The following KLHL15 variants were observed in gnomAD, a reference collection of about 807,000 sequenced individuals.
The protein encoded by KLHL15 is kelch like family member 15.
KLHL15 carries 1 observed loss-of-function variant against 29.3 expected under a neutral mutation model. That is an observed-to-expected ratio of 0.03 (90% CI 0.01 to 0.16). The LOEUF is 0.16. KLHL15 is among the 10% of genes least tolerant of loss of function. The pLI is 1.00. For missense variants in KLHL15, 215 were observed against 478.5 expected (o/e 0.45, Z 5.14); for synonymous variants, 212 against 184.5 (o/e 1.15, Z -1.21).
intron 3 of KLHL15, among the ~76,000 whole-genome samples, chrX:23,990,342 G>A (rs1712379419): frequency 9.0e-6 from 1 of 111,089 alleles, no homozygotes; most frequent in African/African-American, 3.3e-5. Context: ...ATCTGTGAGT[G>A]TGGCAGAATT....
At chrX:24,025,734 G>GC (rs1202676090) in intron 1 of KLHL15, among the ~76,000 whole-genome samples, 1 of 108,906 alleles carries the variant, frequency 9.2e-6, no homozygotes, top group Non-Finnish European at 1.9e-5. Context: ...GGAAGGGGGG[G>GC]CGGGGAAGGC....
At chrX:24,015,777 T>A (rs765354873) in intron 2 of KLHL15, among the ~76,000 whole-genome samples, 1 of 112,004 alleles carries the variant, frequency 8.9e-6, no homozygotes, top group Non-Finnish European at 1.9e-5. Context: ...GGTGGGCAGA[T>A]CACCTGAGGT....
chrX:23,985,064 G>A lies in KLHL15; in HGVS notation c.*2857C>T, dbSNP rs1296296761. ...TCTTGCATTTTAAGAAAAGGCTGTA[G>A]TGCAAGGAATTTCTTTAAAATCAAA... On this transcript the variant is annotated 3_prime_UTR_variant, in exon 4 of 4. Coordinates refer to ENST00000328046, the MANE Select transcript of KLHL15 (RefSeq NM_030624.3). The A allele has an allele frequency of 8.9e-6, 1 of 112,217 alleles. No individual in the cohort carries two copies. The highest frequency in any genetic ancestry group is 1.9e-5 in the Non-Finnish European group (1 of 53,220). The allele number at this position is 112,217 out of a possible 1,213,427, so 9.2% of individuals were successfully genotyped here. A position where few individuals can be genotyped will look rare whatever the true frequency, so the allele number is the denominator to read the frequency against.
chrX:24,009,989 CAAAAA>C (rs767433599), intron 2 of KLHL15, among the ~76,000 whole-genome samples: 4 of 61,301 alleles, frequency 6.5e-5, no homozygotes, highest in Non-Finnish European at 9.0e-5. Flanking sequence ...GACTCCATCT[CAAAAA>C]AAAAAAAAAA....
intron 3 of KLHL15, among the ~76,000 whole-genome samples, chrX:24,001,520 T>C (rs1377379043): frequency 9.0e-6 from 1 of 111,068 alleles, no homozygotes; most frequent in Admixed American, 9.7e-5. Flanking sequence ...AAGTCAAGCA[T>C]AGGCTGGGCG....
At chrX:24,019,778 G>A (rs1174432264) in intron 2 of KLHL15, among the ~76,000 whole-genome samples, 1 of 111,874 alleles carries the variant, frequency 8.9e-6, no homozygotes, top group Non-Finnish European at 1.9e-5. Context: ...AGTAAAAAAA[G>A]AAGTTTGGTG....
chrX:24,000,725 G>A (rs762272867), intron 3 of KLHL15, among the ~76,000 whole-genome samples: 1 of 111,819 alleles, frequency 8.9e-6, no homozygotes, highest in Non-Finnish European at 1.9e-5. Context: ...CAGAAATTTT[G>A]CATTGGTCAA....
At chrX:23,994,031 A>T (rs945539733) in intron 3 of KLHL15, among the ~76,000 whole-genome samples, 2 of 98,765 alleles carry the variant, frequency 2.0e-5, no homozygotes, top group African/African-American at 8.0e-5. Flanking sequence ...TGGGCAACAG[A>T]GTGAGACCTT....
At position 23,985,450 on chromosome X, in the gene KLHL15, T is replaced by G. The variant is rs1241899299; in HGVS notation, c.*2471A>C. ...ATCATGGATTTAAAATAACCTAAAT[T>G]AGAACTACATATAAACAGGGAGTTT... On this transcript the variant is annotated 3_prime_UTR_variant, in exon 4 of 4. Coordinates refer to ENST00000328046, the MANE Select transcript of KLHL15 (RefSeq NM_030624.3). 8.9e-6 allele frequency: 1 copy of G among 112,044 alleles called. No individual in the cohort carries two copies. Among genetic ancestry groups the G allele is most frequent in the Non-Finnish European group, 1.9e-5 (1 of 53,140 alleles). The allele number at this position is 112,044 out of a possible 1,213,427, so 9.2% of individuals were successfully genotyped here.
intron 2 of KLHL15, among the ~76,000 whole-genome samples, chrX:24,007,583 A>G (rs1330389132): frequency 9.7e-6 from 1 of 103,340 alleles, no homozygotes; most frequent in Non-Finnish European, 2.0e-5. Context: ...TGCCTATTCC[A>G]TTGATTTCAT....
intron 1 of KLHL15, 38 bp downstream of exon 1, chrX:24,027,098 TTAAC>T (rs1385294919): frequency 1.8e-5 from 2 of 112,420 alleles, no homozygotes; most frequent in Admixed American, 9.5e-5. Flanking sequence ...TTTTTGTACA[TTAAC>T]TAACATTTTA....
At chrX:23,997,768 A>C (rs1310707363) in intron 3 of KLHL15, among the ~76,000 whole-genome samples, 2 of 85,857 alleles carry the variant, frequency 2.3e-5, no homozygotes, top group African/African-American at 7.8e-5. Flanking sequence ...TTTTTTTTTA[A>C]ATTTTAGAAA....
chrX:23,988,674 C>T lies in KLHL15; in HGVS notation c.1062G>A (p.Pro354=), dbSNP rs1212658604. The T allele has an allele frequency of 3.3e-6, 4 of 1,209,554 alleles. No homozygotes were observed. Among genetic ancestry groups the T allele is most frequent in the East Asian group, 3.0e-5 (1 of 33,788 alleles). ...HASSKVFRYD[P]RQNSWLQMAD... is the part of the protein sequence containing the mutation. ...CCATCTGCAGCCAGGAGTTCTGTCT[C>T]GGGTCATACCTGAATACTTTGGAAG... Residue 354 remains proline, a synonymous_variant, in exon 4 of 4, where the codon CCG becomes CCA. Transcript: ENST00000328046.
At chrX:23,993,208 G>A (rs3922951) in intron 3 of KLHL15, among the ~76,000 whole-genome samples, 19 of 103,477 alleles carry the variant, frequency 1.8e-4, no homozygotes, top group Non-Finnish European at 3.1e-4. Flanking sequence ...TGGGATCCTT[G>A]AGGCTTCATA....
rs752380118 is a variant in KLHL15, at chrX:23,997,345, G to C, written c.706-8315C>G. On this transcript the variant is annotated intron_variant, in intron 3 of 3. Coordinates refer to ENST00000328046, the MANE Select transcript of KLHL15 (RefSeq NM_030624.3). ...CCCAGCTACTCAGGAGGCCAAGGTG[G>C]GAGGATCACTTGAGCCCAGGGATTC... 8.0e-4 allele frequency among the ~76,000 whole-genome samples: 89 copies of C among 111,673 alleles called. 1 individual carries two copies. Among genetic ancestry groups the C allele is most frequent in the African/African-American group, 2.9e-3 (88 of 30,808 alleles).
intron 3 of KLHL15, among the ~76,000 whole-genome samples, chrX:23,995,406 CA>C (rs144296339): frequency 6.0e-4 from 21 of 34,758 alleles, no homozygotes; most frequent in East Asian, 9.1e-4. Flanking sequence ...GACTCTGTCT[CA>C]AAAAAAAAAA....
chrX:24,019,984 A>G (rs1319417670), intron 2 of KLHL15, among the ~76,000 whole-genome samples: 1 of 112,114 alleles, frequency 8.9e-6, no homozygotes, highest in Non-Finnish European at 1.9e-5. Context: ...TTCATACAAA[A>G]GCTTAAGGTA....
At chrX:24,007,503 AAAAAAATATAT>A (rs1929471725) in intron 2 of KLHL15, among the ~76,000 whole-genome samples, 1 of 55,786 alleles carries the variant, frequency 1.8e-5, no homozygotes, top group African/African-American at 9.9e-5. Flanking sequence ...AAAAAAAAAA[AAAAAAATATAT>A]ATATATATAT....
In KLHL15 at chrX:23,997,975, T is replaced by C. The variant is rs188402656; in HGVS notation, c.705+8014A>G. Reference sequence around the variant, plus strand: ...AATAAGCCTCCGAGGTAGAAAATAATGTTTGAGACGGAGTCTCACTCTGTC... The same window carrying C: ...AATAAGCCTCCGAGGTAGAAAATAACGTTTGAGACGGAGTCTCACTCTGTC... On this transcript the variant is annotated intron_variant, in intron 3 of 3. Transcript: ENST00000328046. Among the ~76,000 whole-genome samples the C allele has an allele frequency of 6.1e-3, 664 of 109,562 alleles. 1 individual carries two copies. The highest frequency in any genetic ancestry group is 0.02 in the African/African-American group (614 of 30,210).
Sources: allele counts gnomAD v4.1 joint callset (sites outside exome capture counted in the v4.1 genomes callset), GRCh38; gene constraint gnomAD v4.1.1; transcripts MANE v1.5; gene names NCBI Gene and HGNC (gene_info 2026-07-23, HGNC 2026-07-21).